The following DMRT1 variants were observed in gnomAD, a reference collection of about 807,000 sequenced individuals.
DMRT1 encodes doublesex and mab-3 related transcription factor 1.
A neutral mutation model predicts 32.3 loss-of-function variants in DMRT1; 7 were observed. That is an observed-to-expected ratio of 0.22 (90% CI 0.12 to 0.41). The LOEUF is 0.41. Among genes scored for constraint, DMRT1 ranks in the 10% least tolerant of loss-of-function variants. The probability of loss-of-function intolerance (pLI) is 1.00; values close to 1 mark genes in which losing one functional copy is unlikely to be tolerated. For missense variants in DMRT1, 625 were observed against 500.5 expected (o/e 1.25, Z -2.37); for synonymous variants, 278 against 206.1 (o/e 1.35, Z -2.99).
At chr9:944,552 A>G (rs1233067628) in intron 4 of DMRT1, among the ~76,000 whole-genome samples, 2 of 152,222 alleles carry the variant, frequency 1.3e-5, no homozygotes, top group African/African-American at 4.8e-5. Flanking sequence ...TTTTAAAAGG[A>G]GATGGATATT....
At chr9:862,337 C>T (rs997321013) in intron 2 of DMRT1, among the ~76,000 whole-genome samples, 8 of 152,096 alleles carry the variant, frequency 5.3e-5, no homozygotes, top group African/African-American at 1.9e-4. Flanking sequence ...CCGTCTCCAC[C>T]GAAAAATAGG....
chr9:911,080 C>A (rs187067695), intron 3 of DMRT1, among the ~76,000 whole-genome samples: 6,347 of 152,114 alleles, frequency 0.042, 329 homozygotes, highest in East Asian at 0.17. Flanking sequence ...GGGTGGTGCT[C>A]AGTTAGTTTA....
intron 2 of DMRT1, among the ~76,000 whole-genome samples, chr9:876,847 G>A (rs555553172): frequency 2.0e-5 from 3 of 152,158 alleles, no homozygotes; most frequent in Admixed American, 2.0e-4. Flanking sequence ...GTCTGAGAAT[G>A]TCTATCAGCC....
chr9:895,788 C>G (rs1173337920), intron 3 of DMRT1, among the ~76,000 whole-genome samples: 1 of 144,658 alleles, frequency 6.9e-6, no homozygotes, highest in African/African-American at 2.5e-5. Context: ...ATTTACTCAT[C>G]TTATAACTGA....
At chr9:934,711 A>C (rs551607702) in intron 4 of DMRT1, among the ~76,000 whole-genome samples, 1 of 152,152 alleles carries the variant, frequency 6.6e-6, no homozygotes, top group African/African-American at 2.4e-5. Context: ...TTGCATGTGA[A>C]TATCCAGTTT....
At chr9:961,800 A>C (rs1819781975) in intron 4 of DMRT1, among the ~76,000 whole-genome samples, 1 of 152,248 alleles carries the variant, frequency 6.6e-6, no homozygotes, top group Non-Finnish European at 1.5e-5. Flanking sequence ...ACATTAAGAC[A>C]TGGAGATTTA....
chr9:897,678 T>C (rs888368174), intron 3 of DMRT1, among the ~76,000 whole-genome samples: 1 of 152,156 alleles, frequency 6.6e-6, no homozygotes. Flanking sequence ...AATTTAAGAA[T>C]GTTTTAAAAT....
chr9:881,111 C>T lies in DMRT1; in HGVS notation c.539-12801C>T, dbSNP rs375310130. On this transcript the variant is annotated intron_variant, in intron 2 of 4. Coordinates refer to ENST00000382276, the MANE Select transcript of DMRT1 (RefSeq NM_021951.3). ...CCTGATCATGGGGAATTCTATAGAC[C>T]CCCCCCACCTCCTCCTCCTGTGCAG... is the stretch of plus-strand genomic sequence containing the variant. Among the ~76,000 whole-genome samples, 7 of 151,966 alleles carry T rather than the reference C, an allele frequency of 4.6e-5. No individual in the cohort carries two copies. The East Asian group carries it at 5.8e-4, about 13-fold the overall frequency.
chr9:922,887 AC>A (rs59666048), intron 4 of DMRT1, among the ~76,000 whole-genome samples: 24,612 of 152,126 alleles, frequency 0.16, 3,052 homozygotes, highest in African/African-American at 0.35. Flanking sequence ...TCTACATTTT[AC>A]CCAAAGGTCA....
chr9:854,207 CCT>C (rs1211446971), intron 2 of DMRT1, among the ~76,000 whole-genome samples: 1 of 151,968 alleles, frequency 6.6e-6, no homozygotes, highest in East Asian at 1.9e-4. Context: ...GCCTCAAACT[CCT>C]GGACTCAAGT....
rs540152508 is a variant in DMRT1 at position 871,993 on chromosome 9, A to G, written c.539-21919A>G. Among the ~76,000 whole-genome samples, 3 of 151,642 alleles carry G rather than the reference A, an allele frequency of 2.0e-5. No individual in the cohort carries two copies. In the South Asian group the frequency reaches 6.2e-4, roughly 31 times the overall value. ...TCTATTGATTTCTGAGTAAATAGGA[A>G]GCAGACTTTATATTATTTGAGACCC... On this transcript the variant is annotated intron_variant, in intron 2 of 4. Coordinates refer to ENST00000382276, the MANE Select transcript of DMRT1 (RefSeq NM_021951.3).
At position 847,116 on chromosome 9, in the gene DMRT1, GCCAGTGTCCCCACCA is replaced by G. The variant is rs1366435118; in HGVS notation, c.513_527del (p.Ser172_Thr176del). ...CAGTGGCACCTCTCAGCCACCGCCGGCCAGTGTCCCCACCACTGCAGCTTCAGGTAATCTGGAGGG... is the reference window on the plus strand; with the variant it reads ...CAGTGGCACCTCTCAGCCACCGCCGGCTGCAGCTTCAGGTAATCTGGAGGG... On this transcript the variant is annotated inframe_deletion, in exon 2 of 5. Coordinates refer to ENST00000382276, the MANE Select transcript of DMRT1 (RefSeq NM_021951.3). 1 of 1,613,202 alleles carries G rather than the reference GCCAGTGTCCCCACCA, an allele frequency of 6.2e-7. No individual in the cohort carries two copies. The highest frequency in any genetic ancestry group is 8.5e-7 in the Non-Finnish European group (1 of 1,180,042).
chr9:925,305 A>G (rs10816055), intron 4 of DMRT1, among the ~76,000 whole-genome samples: 105,401 of 152,072 alleles, frequency 0.69, 37,391 homozygotes, highest in South Asian at 0.86. Flanking sequence ...TGAAGCATTC[A>G]GTGAAATAAA....
At chr9:964,411 AC>A (rs1290633499) in intron 4 of DMRT1, among the ~76,000 whole-genome samples, 1 of 152,104 alleles carries the variant, frequency 6.6e-6, no homozygotes. Flanking sequence ...GAAAACAGAT[AC>A]TAGATTTGCT....
intron 3 of DMRT1, among the ~76,000 whole-genome samples, chr9:904,581 C>G (rs1354702255): frequency 6.6e-6 from 1 of 152,212 alleles, no homozygotes; most frequent in East Asian, 1.9e-4. Flanking sequence ...AGTGGCTGCT[C>G]CGTGCCTGGC....
At chr9:930,407 A>T (rs1003354675) in intron 4 of DMRT1, among the ~76,000 whole-genome samples, 1 of 151,230 alleles carries the variant, frequency 6.6e-6, no homozygotes, top group Non-Finnish European at 1.5e-5. Flanking sequence ...TATTTTTTTT[A>T]TTAAAAAAAT....
intron 2 of DMRT1, among the ~76,000 whole-genome samples, chr9:850,922 G>A (rs10117378): frequency 6.6e-6 from 1 of 151,700 alleles, no homozygotes; most frequent in Non-Finnish European, 1.5e-5. Flanking sequence ...CCAGCTACTC[G>A]AGAGGCTGAG....
intron 2 of DMRT1, among the ~76,000 whole-genome samples, chr9:868,464 G>A (rs546375334): frequency 1.3e-5 from 2 of 152,288 alleles, no homozygotes; most frequent in East Asian, 1.9e-4. Context: ...AGAGCTGTGT[G>A]TCTGGGTTTT....
At chr9:875,411 C>T (rs1263795681) in intron 2 of DMRT1, among the ~76,000 whole-genome samples, 1 of 152,074 alleles carries the variant, frequency 6.6e-6, no homozygotes, top group African/African-American at 2.4e-5. Flanking sequence ...CCGGACCCTC[C>T]CCACAGAGAT....
Sources: allele counts gnomAD v4.1 joint callset (sites outside exome capture counted in the v4.1 genomes callset), GRCh38; gene constraint gnomAD v4.1.1; transcripts MANE v1.5; gene names NCBI Gene and HGNC (gene_info 2026-07-23, HGNC 2026-07-21).